Variants in LINGO2 observed in about 807,000 individuals in gnomAD.
LINGO2 encodes the protein leucine rich repeat and Ig domain containing 2.
LINGO2 carries 14 observed loss-of-function variants against 30.6 expected under a neutral mutation model. The observed-to-expected ratio is 0.46, with a 90% CI of 0.30 to 0.72. The LOEUF is 0.72. Among genes scored for constraint, LINGO2 ranks in the 30% least tolerant of loss-of-function variants. LINGO2 has a pLI of 0.07. For missense variants in LINGO2, 729 were observed against 751.7 expected, an observed-to-expected ratio of 0.97 and a Z score of 0.35; for synonymous variants, 317 against 288.5, an observed-to-expected ratio of 1.10 and a Z score of -1.00.
At chr9:28,354,295 A>T (rs1187948368) in intron 3 of LINGO2, among the ~76,000 whole-genome samples, 2 of 152,190 alleles carry the variant, frequency 1.3e-5, no homozygotes, top group East Asian at 1.9e-4. Flanking sequence ...GTTGCGGTTC[A>T]TTATTAATTT....
chr9:28,684,670 C>A, the LINGO2 span, among the ~76,000 whole-genome samples: 1 of 151,660 alleles, frequency 6.6e-6, no homozygotes, highest in East Asian at 2.0e-4. Flanking sequence ...AAGCACACAC[C>A]ACCATACCAG....
intron 1 of LINGO2, among the ~76,000 whole-genome samples, chr9:28,493,308 G>C (rs1001818083): frequency 6.6e-6 from 1 of 151,952 alleles, no homozygotes; most frequent in African/African-American, 2.4e-5. Context: ...TCACTGCCAG[G>C]GTAACCAAGA....
At chr9:28,707,295 G>A in the LINGO2 span, among the ~76,000 whole-genome samples, 1 of 152,056 alleles carries the variant, frequency 6.6e-6, no homozygotes, top group Non-Finnish European at 1.5e-5. Flanking sequence ...GAGAGACACA[G>A]CATGTAGGAT....
rs10968438 is a variant in LINGO2, at chr9:28,288,069, T to A, written c.-87+7139A>T. ...GGACCTGAACGCTCTTAGTTTATCATTTCTCTCTGTACATATCTTCCCTAC... is the reference window on the plus strand; with the variant it reads ...GGACCTGAACGCTCTTAGTTTATCAATTCTCTCTGTACATATCTTCCCTAC... On this transcript the variant is annotated intron_variant, in intron 4 of 5. Transcript: ENST00000379992. Among the ~76,000 whole-genome samples the A allele has an allele frequency of 0.016, 2,457 of 152,238 alleles. 148 individuals are homozygous for A. The East Asian group carries it at 0.2, about 12-fold the overall frequency.
chr9:27,963,539 T>C (rs1819947679), intron 5 of LINGO2, among the ~76,000 whole-genome samples: 2 of 152,082 alleles, frequency 1.3e-5, no homozygotes, highest in South Asian at 2.1e-4. Flanking sequence ...AAGGTAATGA[T>C]AAATTGCTTA....
the LINGO2 span, among the ~76,000 whole-genome samples, chr9:28,980,114 C>T: frequency 2.0e-5 from 3 of 152,086 alleles, no homozygotes; most frequent in South Asian, 6.2e-4. Context: ...TTTTCTGAAT[C>T]CTTGAGCAAA....
At chr9:29,196,524 G>A in the LINGO2 span, among the ~76,000 whole-genome samples, 516 of 152,016 alleles carry the variant, frequency 3.4e-3, 4 homozygotes, top group African/African-American at 0.012. Context: ...CTTGCAAAAT[G>A]GTTAGCATGA....
At chr9:28,036,113 C>A (rs976384505) in intron 4 of LINGO2, among the ~76,000 whole-genome samples, 1 of 152,128 alleles carries the variant, frequency 6.6e-6, no homozygotes, top group Non-Finnish European at 1.5e-5. Flanking sequence ...AAGGAGTTTT[C>A]TACTGGTGAG....
At chr9:28,996,118 TAAA>T in the LINGO2 span, among the ~76,000 whole-genome samples, 202 of 144,466 alleles carry the variant, frequency 1.4e-3, no homozygotes, top group African/African-American at 4.5e-3. Context: ...TATATTGCTT[TAAA>T]AAAAAAAAAA....
intron 4 of LINGO2, among the ~76,000 whole-genome samples, chr9:28,075,489 C>T (rs1186018879): frequency 6.6e-6 from 1 of 151,774 alleles, no homozygotes; most frequent in African/African-American, 2.4e-5. Context: ...TAACTGTGCC[C>T]ATTAGTAACT....
Position 28,174,765 on chromosome 9 carries a change from T to C in LINGO2, c.-87+120443A>G, listed in dbSNP as rs900537103. On this transcript the variant is annotated intron_variant, in intron 4 of 5. Coordinates refer to ENST00000379992, the Ensembl canonical transcript of LINGO2. ...CTCTGTAGAGTGGGAACCATATATA[T>C]TATACATCGAATCCAGTGCCTGCTC... Among the ~76,000 whole-genome samples, 5 of 152,192 alleles carry C rather than the reference T, an allele frequency of 3.3e-5. No homozygotes were observed. In the East Asian group the frequency reaches 9.6e-4, roughly 29 times the overall value.
chr9:28,642,081 ATG>A (rs1166766118), intron 1 of LINGO2, among the ~76,000 whole-genome samples: 3 of 135,446 alleles, frequency 2.2e-5, no homozygotes, highest in Non-Finnish European at 3.2e-5. Context: ...GTGTGTGTGT[ATG>A]TGTGTGCATA....
At chr9:29,030,210 C>T in the LINGO2 span, among the ~76,000 whole-genome samples, 1 of 151,906 alleles carries the variant, frequency 6.6e-6, no homozygotes, top group Non-Finnish European at 1.5e-5. Context: ...TTGCCATTTT[C>T]CTAAGAAAAG....
intron 5 of LINGO2, among the ~76,000 whole-genome samples, chr9:27,974,492 G>A (rs902760309): frequency 1.3e-5 from 2 of 152,088 alleles, no homozygotes; most frequent in African/African-American, 2.4e-5. Flanking sequence ...AGGCCTGCAG[G>A]TACTCCTTGG....
the LINGO2 span, among the ~76,000 whole-genome samples, chr9:29,103,912 T>C: frequency 6.6e-6 from 1 of 152,334 alleles, no homozygotes; most frequent in South Asian, 2.1e-4. Context: ...TTTTAATAGC[T>C]GCGCCTCATG....
At chr9:28,834,011 T>A in the LINGO2 span, among the ~76,000 whole-genome samples, 115 of 150,442 alleles carry the variant, frequency 7.6e-4, no homozygotes, top group African/African-American at 2.5e-3. Flanking sequence ...GTAGAAACTG[T>A]TTCTTGTTTC....
chr9:28,682,688 AATGTATTGTCATAT>A, the LINGO2 span, among the ~76,000 whole-genome samples: 1 of 152,074 alleles, frequency 6.6e-6, no homozygotes, highest in African/African-American at 2.4e-5. Flanking sequence ...GGTCATTCTA[AATGTATTGTCATAT>A]ATTTAAAATA....
intron 4 of LINGO2, among the ~76,000 whole-genome samples, chr9:28,276,398 G>T (rs1388881579): frequency 2.0e-5 from 3 of 151,984 alleles, no homozygotes; most frequent in Non-Finnish European, 4.4e-5. Flanking sequence ...ATCTAGTTAA[G>T]AAACTTTCCT....
intron 2 of LINGO2, among the ~76,000 whole-genome samples, chr9:28,380,028 T>C (rs1405507100): frequency 1.3e-5 from 2 of 152,090 alleles, no homozygotes; most frequent in Non-Finnish European, 2.9e-5. Flanking sequence ...ATCTTACTTC[T>C]TTTTATTTAC....
Sources: allele counts gnomAD v4.1 joint callset (sites outside exome capture counted in the v4.1 genomes callset), GRCh38; gene constraint gnomAD v4.1.1; transcripts MANE v1.5; gene names NCBI Gene and HGNC (gene_info 2026-07-23, HGNC 2026-07-21).